The following MUC5B variants were observed in gnomAD, a reference collection of about 807,000 sequenced individuals.
MUC5B encodes mucin 5B, oligomeric mucus/gel-forming, also known as mucin-5B.
MUC5B carries 116 observed loss-of-function variants against 376.9 expected under a neutral mutation model. The observed-to-expected ratio is 0.31, with a 90% confidence interval of 0.26 to 0.36. The LOEUF (loss-of-function observed/expected upper bound fraction) is 0.36, where lower values mean the gene tolerates loss of function less well. Ranked by LOEUF, MUC5B falls within the 10% of genes least tolerant of loss-of-function variation. MUC5B has a pLI of 1.00. For missense variants in MUC5B, 7,165 were observed against 7,769.9 expected, an observed-to-expected ratio of 0.92 and a Z score of 2.93; for synonymous variants, 3,517 against 3,390.9, an observed-to-expected ratio of 1.04 and a Z score of -1.29.
chr11:1,233,618 T>C (rs1383069540), intron 18 of MUC5B, among the ~76,000 whole-genome samples, 175 bp from the exon 19 acceptor site: 1 of 151,990 alleles, frequency 6.6e-6, no homozygotes, highest in Admixed American at 6.5e-5. Context: ...TATTTACCCA[T>C]GTGCCTCCAG....
chr11:1,254,775 C>A lies in MUC5B; in HGVS notation c.15559C>A (p.Arg5187Ser). Residue 5187 changes from arginine to serine, a missense_variant, in exon 35 of 49, where the codon CGT becomes AGT. Arg to Ser is a moderately radical substitution (Grantham distance 110, BLOSUM62 -1). Around this residue, in one of 31 missense-constraint regions of MUC5B, gnomAD observed 842 missense variants for 1,016.9 expected, o/e 0.83. Coordinates refer to ENST00000529681, the MANE Select transcript of MUC5B (RefSeq NM_002458.3). ...GTCTGTGCTGGGGACCACCACCATG[C>A]GTGTGGACATTCCTGCCCTGGGCGT... Reference protein sequence around the residue: ...LVSVLGTTTMRVDIPALGVSV... With the variant: ...LVSVLGTTTMSVDIPALGVSV... 6.2e-7 allele frequency: 1 copy of A among 1,612,850 alleles called. No homozygotes were observed. Among genetic ancestry groups the A allele is most frequent in the Non-Finnish European group, 8.5e-7 (1 of 1,179,786 alleles).
chr11:1,237,251 C>G, intron 25 of MUC5B, 87 bp downstream of exon 25: 2 of 1,295,930 alleles, frequency 1.5e-6, no homozygotes, highest in Non-Finnish European at 2.0e-6. Context: ...GGGCAGACAG[C>G]AGCGCTCCAA....
intron 48 of MUC5B, 50 bp from the exon 49 acceptor site, chr11:1,261,338 AG>A: frequency 6.7e-7 from 1 of 1,495,642 alleles, no homozygotes; most frequent in Non-Finnish European, 9.0e-7. Flanking sequence ...GGCTGGGCAG[AG>A]AAACGGCGGG....
In MUC5B at chr11:1,237,171, C is replaced by A; in HGVS notation, c.3297+7C>A. 1 of 1,424,934 alleles carries A rather than the reference C, an allele frequency of 7.0e-7. No individual in the cohort carries two copies. 88.3% of individuals were successfully genotyped at this position (1,424,934 alleles called of 1,614,324 possible). ...CGCCGCCTGCCGCTCCCAGGTGGGG[C>A]TCTGGTCTTGGCAGGCAGGGTCTGG... On this transcript the variant is annotated splice_region_variant and intron_variant, in intron 25 of 48. Transcript: ENST00000529681.
intron 8 of MUC5B, 61 bp downstream of exon 8, chr11:1,228,826 C>T: frequency 1.6e-5 from 7 of 448,692 alleles, no homozygotes; most frequent in South Asian, 8.7e-5. Flanking sequence ...GGGGGAGCGC[C>T]TTGGGGGCCA....
intron 1 of MUC5B, among the ~76,000 whole-genome samples, chr11:1,225,069 G>T (rs563661474): frequency 5.9e-5 from 9 of 152,312 alleles, no homozygotes; most frequent in Non-Finnish European, 1.0e-4. Flanking sequence ...CAGCCTGGGG[G>T]ACCTTGGGCG....
rs200554635 is a variant in MUC5B at position 1,245,885 on chromosome 11, C to T, written c.9005C>T (p.Thr3002Met). The change falls in exon 31 of 49, where the codon ACG becomes ATG. Residue 3002 changes from threonine to methionine, a missense_variant. Transcript: ENST00000529681. ...ACAGAGCAGACCACAGCAGCCACTA[C>T]GACCGCAACCACTGGATCCACGGCC... ...ILTEQTTAAT[T>M]TATTGSTAIP... 7.1e-5 allele frequency: 115 copies of T among 1,613,206 alleles called. No homozygotes were observed. Among genetic ancestry groups the T allele is most frequent in the East Asian group, 1.3e-4 (6 of 44,862 alleles).
chr11:1,261,397 C>T lies in MUC5B; in HGVS notation c.17078C>T (p.Ala5693Val). ...CCACCCTGCGTCCACAGGTACTCAG[C>T]AGAGGCCCAGGCCATGCAGCACCAG... ...GSCPGASKYSAEAQAMQHQCT... is the reference protein window; with the variant it reads ...GSCPGASKYSVEAQAMQHQCT... Residue 5693 changes from alanine to valine, a missense_variant, in exon 49 of 49, where the codon GCA becomes GTA. By Grantham distance (64) the Ala-to-Val change is moderately conservative (BLOSUM62 0). Coordinates refer to ENST00000529681, the MANE Select transcript of MUC5B (RefSeq NM_002458.3). 6.5e-7 allele frequency: 1 copy of T among 1,547,804 alleles called. No homozygotes were observed.
At position 1,251,221 on chromosome 11, in the gene MUC5B, T is replaced by G; in HGVS notation, c.14341T>G (p.Ser4781Ala). The G allele has an allele frequency of 1.9e-6, 3 of 1,609,402 alleles. No individual in the cohort carries two copies. The highest frequency in any genetic ancestry group is 2.5e-6 in the Non-Finnish European group (3 of 1,177,680). ...PMSTMSTIHTSSTPETTHTST... is the reference protein window; with the variant it reads ...PMSTMSTIHTASTPETTHTST... ...GTCCACCATGTCCACAATCCACACC[T>G]CCTCTACTCCAGAGACCACCCACAC... Residue 4781 changes from serine to alanine, a missense_variant, in exon 31 of 49, where the codon TCC (serine) becomes GCC (alanine). Around this residue, in one of 31 missense-constraint regions of MUC5B, gnomAD observed 730 missense variants for 592.7 expected, o/e 1.23. Transcript: ENST00000529681.
intron 30 of MUC5B, 94 bp downstream of exon 30, chr11:1,240,469 A>T: frequency 8.3e-7 from 1 of 1,201,444 alleles, no homozygotes; most frequent in Admixed American, 2.2e-5. Flanking sequence ...TATGGTAGCG[A>T]CAGTCCCAAT....
intron 7 of MUC5B, 111 bp from the exon 8 acceptor site, chr11:1,228,452 AC>A (rs983588385): frequency 1.9e-6 from 2 of 1,045,990 alleles, no homozygotes; most frequent in African/African-American, 3.2e-5. Context: ...GGTACAAGGA[AC>A]CCCGACAGGG....
chr11:1,257,783 TG>T lies in MUC5B; in HGVS notation c.16450+76del. The T allele has an allele frequency of 2.7e-6, 4 of 1,473,360 alleles. No individual in the cohort carries two copies. In the South Asian group the frequency reaches 5.3e-5, roughly 19 times the overall value. 91.3% of individuals were successfully genotyped at this position (1,473,360 alleles called of 1,614,324 possible). ...AGAGCCGGTGCCCACCAGGGGCCTGTGGGTTGGGCACAGGAGAGCAGAGGAG... is the reference window on the plus strand; with the variant it reads ...AGAGCCGGTGCCCACCAGGGGCCTGTGGTTGGGCACAGGAGAGCAGAGGAG... On this transcript the variant is annotated intron_variant, in intron 41 of 48. Transcript: ENST00000529681. The surrounding 1 kb of genome is among the most constrained non-coding windows in gnomAD (Gnocchi z 8.9).
chr11:1,248,390 T>C lies in MUC5B; in HGVS notation c.11510T>C (p.Leu3837Pro). Reference protein sequence around the residue: ...TPETAHTSTVLTTTATTTRAT... With the variant: ...TPETAHTSTVPTTTATTTRAT... ...GAGACTGCCCACACCTCCACAGTGC[T>C]TACCACCACGGCCACCACAACCAGG... Residue 3837 changes from leucine (L) to proline (P), a missense_variant, in exon 31 of 49, where the codon CTT becomes CCT. Leu to Pro is a moderately conservative substitution (Grantham distance 98). Coordinates refer to ENST00000529681, the MANE Select transcript of MUC5B (RefSeq NM_002458.3). 6.2e-7 allele frequency: 1 copy of C among 1,611,942 alleles called. No homozygotes were observed. Among genetic ancestry groups the C allele is most frequent in the Non-Finnish European group, 8.5e-7 (1 of 1,179,282 alleles).
In MUC5B at chr11:1,242,555, G is replaced by A. The variant is rs748856045; in HGVS notation, c.5675G>A (p.Ser1892Asn). 6.2e-6 allele frequency: 10 copies of A among 1,613,822 alleles called. No individual in the cohort carries two copies. The Admixed American group carries it at 1.3e-4, about 22-fold the overall frequency. Residue 1892 changes from serine (S) to asparagine (N), a missense_variant, in exon 31 of 49, where the codon AGC becomes AAC. Physicochemically the swap from Ser to Asn is conservative, Grantham distance 46 (BLOSUM62 1). Around this residue, in one of 31 missense-constraint regions of MUC5B, gnomAD observed 897 missense variants for 779.6 expected, o/e 1.15. Transcript: ENST00000529681. ...CACTGCCCCAGTACCCCAGCCACCA[G>A]CTCCACGGCCACGCCCTCCTCAACT... ...YSHCPSTPATSSTATPSSTPG... is the reference protein window; with the variant it reads ...YSHCPSTPATNSTATPSSTPG...
intron 1 of MUC5B, among the ~76,000 whole-genome samples, chr11:1,224,747 C>T (rs1362603127): frequency 6.6e-6 from 1 of 152,076 alleles, no homozygotes; most frequent in Non-Finnish European, 1.5e-5. Context: ...GGAGGCGGCC[C>T]CTGTGGTGGT....
In MUC5B at chr11:1,242,340, G is replaced by C; in HGVS notation, c.5460G>C (p.Lys1820Asn). The change falls in exon 31 of 49, where the codon AAG becomes AAC. Residue 1820 changes from lysine (K) to asparagine (N), a missense_variant. By Grantham distance (94) the Lys-to-Asn change is moderately conservative. This residue lies in a region of MUC5B where 897 missense variants were observed against 779.6 expected (regional missense o/e 1.15). Transcript: ENST00000529681. ...TFENIRAAGG[K>N]MCWAPKSIEC... ...AAAACATCAGGGCTGCTGGGGGCAAGATGTGCTGGGCACCAAAGAGCATAG... is the reference window on the plus strand; with the variant it reads ...AAAACATCAGGGCTGCTGGGGGCAACATGTGCTGGGCACCAAAGAGCATAG... 1.9e-6 allele frequency: 3 copies of C among 1,613,926 alleles called. No homozygotes were observed. Among genetic ancestry groups the C allele is most frequent in the Middle Eastern group, 1.6e-4 (1 of 6,062 alleles).
Position 1,234,988 on chromosome 11 carries a change from G to C in MUC5B, c.2631-97G>C. The C allele has an allele frequency of 6.9e-7, 1 of 1,452,220 alleles. No individual in the cohort carries two copies. The highest frequency in any genetic ancestry group is 9.1e-7 in the Non-Finnish European group (1 of 1,098,916). 90.0% of individuals were successfully genotyped at this position (1,452,220 alleles called of 1,614,324 possible). ...GGGTCAGGCTGGGCCTGGGGAGGCTGAGGCCCCGTGCTGACCTGCACAGGC... is the reference window on the plus strand; with the variant it reads ...GGGTCAGGCTGGGCCTGGGGAGGCTCAGGCCCCGTGCTGACCTGCACAGGC... On this transcript the variant is annotated intron_variant, in intron 21 of 48. Coordinates refer to ENST00000529681, the MANE Select transcript of MUC5B (RefSeq NM_002458.3). The surrounding 1 kb of genome is among the most constrained non-coding windows in gnomAD (Gnocchi z 6.3).
intron 13 of MUC5B, 114 bp downstream of exon 13, chr11:1,231,119 C>A: frequency 9.3e-7 from 1 of 1,073,388 alleles, no homozygotes; most frequent in Non-Finnish European, 1.3e-6. Flanking sequence ...CCTCGGGCAG[C>A]TCCAGGAGCT....
rs777461643 is a variant in MUC5B, at chr11:1,232,485, G to A, written c.1879G>A (p.Asp627Asn). The A allele has an allele frequency of 8.7e-6, 14 of 1,610,638 alleles. No homozygotes were observed. Among genetic ancestry groups the A allele is most frequent in the East Asian group, 4.5e-5 (2 of 44,702 alleles). Residue 627 changes from aspartate (D) to asparagine (N), a missense_variant, in exon 16 of 49, where the codon GAT (aspartate) becomes AAT (asparagine). Around this residue, in one of 31 missense-constraint regions of MUC5B, gnomAD observed 530 missense variants for 604.0 expected, o/e 0.88. Coordinates refer to ENST00000529681, the MANE Select transcript of MUC5B (RefSeq NM_002458.3). ...YARHWCSRLT[D>N]PNSAFSRCHS... Reference sequence around the variant, plus strand: ...CCGGCACTGGTGCTCGCGCCTGACCGATCCCAACAGTGCCTTCTCGCGCTG... The same window carrying A: ...CCGGCACTGGTGCTCGCGCCTGACCAATCCCAACAGTGCCTTCTCGCGCTG...
Sources: gnomAD v4.1 joint callset for allele counts (sites outside exome capture counted in the v4.1 genomes callset) on GRCh38, gnomAD v4.1.1 for gene constraint, gnomAD v4.1.1 regional missense constraint, Gnocchi (gnomAD v3.1) non-coding constraint, MANE v1.5 for transcripts, NCBI Gene and HGNC (gene_info 2026-07-23, HGNC 2026-07-21) for gene names.